Variants in RGS6 observed in about 807,000 individuals in gnomAD.
The protein encoded by RGS6 is regulator of G-protein signaling 6.
A neutral mutation model predicts 78.5 loss-of-function variants in RGS6; 30 were observed. That is an observed-to-expected ratio of 0.38 (90% CI 0.29 to 0.52). The LOEUF is 0.52. Ranked by LOEUF, RGS6 falls within the 20% of genes least tolerant of loss-of-function variation. The pLI is 0.85. For missense variants in RGS6, 495 were observed against 609.7 expected, an observed-to-expected ratio of 0.81 and a Z score of 1.98; for synonymous variants, 206 against 206.0, an observed-to-expected ratio of 1.00 and a Z score of 0.00.
At chr14:72,009,928 A>G (rs2085332608) in intron 2 of RGS6, among the ~76,000 whole-genome samples, 1 of 152,222 alleles carries the variant, frequency 6.6e-6, no homozygotes, top group Middle Eastern at 3.2e-3. Flanking sequence ...AGGAATCTAA[A>G]TCCTGGCTTG....
intron 13 of RGS6, among the ~76,000 whole-genome samples, chr14:72,495,676 A>G (rs1304574265): frequency 6.6e-6 from 1 of 152,080 alleles, no homozygotes; most frequent in Non-Finnish European, 1.5e-5. Context: ...TATTCTCACC[A>G]CTCAGCAGTT....
intron 2 of RGS6, among the ~76,000 whole-genome samples, chr14:72,091,919 A>G (rs2095279946): frequency 6.6e-6 from 1 of 152,376 alleles, no homozygotes; most frequent in Non-Finnish European, 1.5e-5. Flanking sequence ...AAGTCAGATC[A>G]TTGACAAATG....
At chr14:71,920,622 C>T in the RGS6 span, among the ~76,000 whole-genome samples, 9,182 of 113,094 alleles carry the variant, frequency 0.081, 378 homozygotes, top group Non-Finnish European at 0.12. Flanking sequence ...TTCTTGCATG[C>T]GCACACGCGC....
At chr14:72,166,320 G>A (rs1026689639) in intron 2 of RGS6, among the ~76,000 whole-genome samples, 1 of 151,952 alleles carries the variant, frequency 6.6e-6, no homozygotes, top group African/African-American at 2.4e-5. Context: ...TTTTTTGTTA[G>A]ATTCATGAAT....
chr14:72,385,214 G>T (rs1264886569), intron 3 of RGS6, among the ~76,000 whole-genome samples: 1 of 152,102 alleles, frequency 6.6e-6, no homozygotes, highest in East Asian at 1.9e-4. Flanking sequence ...TTCAAAGCTT[G>T]GGTGTAATAG....
At chr14:72,460,187 A>G (rs1490817435) in intron 6 of RGS6, among the ~76,000 whole-genome samples, 1 of 152,212 alleles carries the variant, frequency 6.6e-6, no homozygotes, top group African/African-American at 2.4e-5. Context: ...GGACTAGGAA[A>G]ATAGAGTGGG....
chr14:72,493,300 AT>A (rs767431218), intron 12 of RGS6, among the ~76,000 whole-genome samples: 4 of 152,226 alleles, frequency 2.6e-5, no homozygotes, highest in Non-Finnish European at 5.9e-5. Flanking sequence ...TAGAACTCAT[AT>A]TATCTGAGAA....
chr14:72,572,552 C>G, the RGS6 span, among the ~76,000 whole-genome samples: 289 of 152,264 alleles, frequency 1.9e-3, 2 homozygotes, highest in African/African-American at 6.1e-3. Flanking sequence ...TCACAAAAGA[C>G]TATAGATTGT....
intron 2 of RGS6, among the ~76,000 whole-genome samples, chr14:72,083,208 G>A (rs756819614): frequency 1.3e-5 from 2 of 152,128 alleles, no homozygotes; most frequent in African/African-American, 4.8e-5. Flanking sequence ...TAGAATTCAC[G>A]GGAATTCTAT....
chr14:72,548,060 C>T (rs930347054), intron 17 of RGS6, among the ~76,000 whole-genome samples: 7 of 152,118 alleles, frequency 4.6e-5, no homozygotes, highest in African/African-American at 1.7e-4. Flanking sequence ...TGAGTATATT[C>T]AGCGTCTTCA....
chr14:72,490,835 T>A (rs8010179), intron 12 of RGS6, among the ~76,000 whole-genome samples: 6,663 of 152,262 alleles, frequency 0.044, 456 homozygotes, highest in African/African-American at 0.15. Flanking sequence ...TAAAACATCT[T>A]GTGTCCTGAA....
chr14:72,454,110 C>T (rs577783233), intron 3 of RGS6, among the ~76,000 whole-genome samples: 2 of 152,154 alleles, frequency 1.3e-5, no homozygotes, highest in South Asian at 2.1e-4. Flanking sequence ...AGGCCTGTGC[C>T]GGAAGAGATG....
chr14:72,512,463 C>T (rs953642561), intron 14 of RGS6, among the ~76,000 whole-genome samples: 6 of 152,326 alleles, frequency 3.9e-5, no homozygotes, highest in East Asian at 1.9e-4. Context: ...TCACCTCCTG[C>T]GCCTCTGCCA....
At chr14:71,971,637 A>G (rs952010011) in intron 2 of RGS6, among the ~76,000 whole-genome samples, 1 of 152,242 alleles carries the variant, frequency 6.6e-6, no homozygotes, top group East Asian at 1.9e-4. Flanking sequence ...TCTATGGGTT[A>G]GTAATCCAAG....
At chr14:72,446,538 C>G (rs752105089) in intron 3 of RGS6, among the ~76,000 whole-genome samples, 5 of 152,176 alleles carry the variant, frequency 3.3e-5, no homozygotes, top group African/African-American at 4.8e-5. Context: ...TTTTTGGCAC[C>G]AGGGACCAGT....
intron 2 of RGS6, among the ~76,000 whole-genome samples, chr14:72,074,606 T>C (rs888204478): frequency 5.3e-5 from 8 of 152,234 alleles, no homozygotes; most frequent in Non-Finnish European, 1.0e-4. Context: ...TTAACCTAAG[T>C]TGTATAACCT....
the RGS6 span, among the ~76,000 whole-genome samples, chr14:72,600,570 GAC>G: frequency 0.83 from 123,721 of 148,522 alleles, 51,825 homozygotes; most frequent in Non-Finnish European, 0.9. Flanking sequence ...AAGCCAGGCA[GAC>G]ACACACACAC....
chr14:72,561,704 C>T (rs768236034), intron 17 of RGS6, among the ~76,000 whole-genome samples: 9 of 152,184 alleles, frequency 5.9e-5, no homozygotes, highest in Non-Finnish European at 1.2e-4. Flanking sequence ...GAAGAACTGC[C>T]ACATGGGTTA....
intron 3 of RGS6, among the ~76,000 whole-genome samples, chr14:72,390,355 C>T (rs2089631586): frequency 6.6e-6 from 1 of 151,960 alleles, no homozygotes; most frequent in Non-Finnish European, 1.5e-5. Flanking sequence ...ACCTCGGCCT[C>T]CCAAAGTGCT....
Sources: gnomAD v4.1 joint callset for allele counts (sites outside exome capture counted in the v4.1 genomes callset) on GRCh38, gnomAD v4.1.1 for gene constraint, MANE v1.5 for transcripts, NCBI Gene and HGNC (gene_info 2026-07-23, HGNC 2026-07-21) for gene names.